The following HSPA12A variants were observed in gnomAD, a reference collection of about 807,000 sequenced individuals.
HSPA12A encodes heat shock protein family A (Hsp70) member 12A.
Under a neutral mutation model 69.2 loss-of-function variants are expected in HSPA12A, and 28 were observed. That is an observed-to-expected ratio of 0.40 (90% CI 0.30 to 0.55). The LOEUF is 0.55. Among genes scored for constraint, HSPA12A ranks in the 20% least tolerant of loss-of-function variants. The pLI is 0.38. For synonymous variants in HSPA12A, 345 were observed against 370.5 expected, an observed-to-expected ratio of 0.93 and a Z score of 0.79; for missense variants, 686 against 900.7, an observed-to-expected ratio of 0.76 and a Z score of 3.05.
chr10:116,838,691 A>G (rs1215675181), intron 1 of HSPA12A, among the ~76,000 whole-genome samples: 1 of 152,190 alleles, frequency 6.6e-6, no homozygotes, highest in African/African-American at 2.4e-5. Context: ...ACCTTTAGCT[A>G]AGTTTGTCTT....
At chr10:116,685,749 A>G (rs1017054172) in intron 6 of HSPA12A, among the ~76,000 whole-genome samples, 1 of 152,166 alleles carries the variant, frequency 6.6e-6, no homozygotes, top group African/African-American at 2.4e-5. Flanking sequence ...CTCAGGATAG[A>G]GAGATTTCCT....
intron 2 of HSPA12A, among the ~76,000 whole-genome samples, chr10:116,791,281 A>C (rs999420385): frequency 6.6e-6 from 1 of 152,232 alleles, no homozygotes. Flanking sequence ...AGATGTGTTT[A>C]AAGCATCTTT....
chr10:116,796,161 A>G (rs1229599572), intron 2 of HSPA12A, among the ~76,000 whole-genome samples: 1 of 149,062 alleles, frequency 6.7e-6, no homozygotes, highest in African/African-American at 2.5e-5. Context: ...AAAAAAAAAA[A>G]AAAAAGAAAG....
chr10:116,679,889 TACTTAC>T, intron 9 of HSPA12A, 128 bp from the exon 10 acceptor site: 1 of 881,954 alleles, frequency 1.1e-6, no homozygotes, highest in Non-Finnish European at 1.8e-6. Flanking sequence ...TATAAGTGTT[TACTTAC>T]ACTTCAGAAC....
intron 2 of HSPA12A, among the ~76,000 whole-genome samples, chr10:116,810,359 C>T (rs530071696): frequency 6.6e-6 from 1 of 152,132 alleles, no homozygotes; most frequent in South Asian, 2.1e-4. Flanking sequence ...ATTTAACTGA[C>T]CTTTGGCCAT....
At chr10:116,776,277 GAT>G (rs1844336305) in intron 2 of HSPA12A, among the ~76,000 whole-genome samples, 1 of 152,166 alleles carries the variant, frequency 6.6e-6, no homozygotes, top group Non-Finnish European at 1.5e-5. Context: ...TCTGCCTCGG[GAT>G]TTCGCTCAAA....
intron 2 of HSPA12A, among the ~76,000 whole-genome samples, chr10:116,800,053 C>A (rs1424391404): frequency 1.7e-4 from 26 of 152,186 alleles, no homozygotes. Flanking sequence ...ATCTCTCCTT[C>A]CTAATACCCA....
intron 10 of HSPA12A, among the ~76,000 whole-genome samples, chr10:116,676,870 T>C (rs1554877807): frequency 2.0e-5 from 3 of 152,212 alleles, no homozygotes; most frequent in Non-Finnish European, 2.9e-5. Context: ...CTGGCGAGTT[T>C]ATTGTACTGC....
At chr10:116,838,839 C>T (rs1167644537) in intron 1 of HSPA12A, among the ~76,000 whole-genome samples, 1 of 152,174 alleles carries the variant, frequency 6.6e-6, no homozygotes, top group Non-Finnish European at 1.5e-5. Flanking sequence ...GAATTCTAAC[C>T]CGGGCTAATA....
chr10:116,684,112 T>C, intron 6 of HSPA12A, 150 bp from the exon 7 acceptor site: 1 of 637,504 alleles, frequency 1.6e-6, no homozygotes, highest in East Asian at 3.1e-5. Flanking sequence ...CAGAGCATAA[T>C]GTCAGGGTGC....
chr10:116,794,699 G>A (rs1289765241), intron 2 of HSPA12A, among the ~76,000 whole-genome samples: 1 of 152,112 alleles, frequency 6.6e-6, no homozygotes, highest in Non-Finnish European at 1.5e-5. Flanking sequence ...TGTAATCCCA[G>A]CTACTTGGGA....
At chr10:116,741,426 A>T (rs1016062420) in intron 1 of HSPA12A, among the ~76,000 whole-genome samples, 1 of 152,154 alleles carries the variant, frequency 6.6e-6, no homozygotes, top group African/African-American at 2.4e-5. Context: ...TCATCCTCGC[A>T]GGCGGCTTGC....
chr10:116,761,487 C>CA (rs782209921), intron 2 of HSPA12A, among the ~76,000 whole-genome samples: 155 of 90,348 alleles, frequency 1.7e-3, no homozygotes, highest in African/African-American at 2.5e-3. Flanking sequence ...GACTCCATCT[C>CA]AAAAAAAAAA....
chr10:116,814,370 T>C (rs1845256818), intron 2 of HSPA12A, among the ~76,000 whole-genome samples: 1 of 152,176 alleles, frequency 6.6e-6, no homozygotes, highest in Non-Finnish European at 1.5e-5. Context: ...TGAGGATCCA[T>C]ACAGGAACCC....
chr10:116,699,086 G>C (rs975745680), intron 4 of HSPA12A, among the ~76,000 whole-genome samples: 23 of 152,120 alleles, frequency 1.5e-4, no homozygotes, highest in Non-Finnish European at 1.5e-5. Flanking sequence ...TGCAATTTCC[G>C]TACAATTTCC....
chr10:116,789,196 G>A (rs1281376610), intron 2 of HSPA12A, among the ~76,000 whole-genome samples: 1 of 152,080 alleles, frequency 6.6e-6, no homozygotes, highest in Non-Finnish European at 1.5e-5. Context: ...ATGCACTGGT[G>A]CTGCAATATG....
chr10:116,765,465 AG>A (rs1844055395), intron 2 of HSPA12A, among the ~76,000 whole-genome samples: 1 of 152,182 alleles, frequency 6.6e-6, no homozygotes, highest in Non-Finnish European at 1.5e-5. Context: ...GGACCATAGG[AG>A]GGGGAAAAAG....
intron 2 of HSPA12A, among the ~76,000 whole-genome samples, chr10:116,764,162 T>C (rs1665671): frequency 0.99 from 151,272 of 152,314 alleles, 75,133 homozygotes; most frequent in Middle Eastern, 1. Context: ...ATGGAAAAAG[T>C]CTTTCCACTG....
chr10:116,722,105 G>T (rs1403492507), intron 1 of HSPA12A, among the ~76,000 whole-genome samples: 1 of 152,214 alleles, frequency 6.6e-6, no homozygotes, highest in African/African-American at 2.4e-5. Flanking sequence ...CCAGGCGCAG[G>T]CCTGCCTGCT....
Sources: gnomAD v4.1 joint callset for allele counts (sites outside exome capture counted in the v4.1 genomes callset) on GRCh38, gnomAD v4.1.1 for gene constraint, MANE v1.5 for transcripts, NCBI Gene and HGNC (gene_info 2026-07-23, HGNC 2026-07-21) for gene names.